The following REC114 variants were observed in gnomAD, a reference collection of about 807,000 sequenced individuals.
The protein encoded by REC114 is meiotic recombination protein REC114.
Under a neutral mutation model 31.3 loss-of-function variants are expected in REC114, and 27 were observed. The observed-to-expected ratio is 0.86, with a 90% confidence interval of 0.64 to 1.19. The LOEUF (loss-of-function observed/expected upper bound fraction) is 1.19. Ranked by LOEUF, REC114 falls within the 50% of genes most tolerant of loss-of-function variation. The pLI is 0.00. For missense variants in REC114, 344 were observed against 326.9 expected (o/e 1.05, Z -0.40); for synonymous variants, 134 against 127.7 (o/e 1.05, Z -0.33).
Position 73,550,998 on chromosome 15 carries a change from C to A in REC114, c.394C>A (p.His132Asn), listed in dbSNP as rs767371664. The A allele has an allele frequency of 9.3e-6, 15 of 1,613,768 alleles. 1 individual carries two copies. Among genetic ancestry groups the A allele is most frequent in the Non-Finnish European group, 1.3e-5 (15 of 1,179,862 alleles). Residue 132 changes from histidine (H) to asparagine (N), a missense_variant, in exon 4 of 6, where the codon CAC becomes AAC. By Grantham distance (68) the His-to-Asn change is moderately conservative. Transcript: ENST00000331090. ...AGAGTCAAAGGAGCAGGCGCTGGAA[C>A]ACTGCTGCAGTTGTGTTCAGAAGCT... is the stretch of plus-strand genomic sequence containing the variant. ...SGESKEQALE[H>N]CCSCVQKLAQ...
In REC114 at chr15:73,514,101, C is replaced by T. The variant is rs543365382; in HGVS notation, c.250-26384C>T. Among the ~76,000 whole-genome samples the T allele has an allele frequency of 1.3e-4, 20 of 152,198 alleles. 1 individual carries two copies. In the East Asian group the frequency reaches 3.3e-3, roughly 25 times the overall value. On this transcript the variant is annotated intron_variant, in intron 2 of 5. Coordinates refer to ENST00000331090, the MANE Select transcript of REC114 (RefSeq NM_001042367.2). ...GCTGTGCTAGCAATCAGCGAGACTC[C>T]GTGGGGTAGGACCCTCCGAGCCAGG...
At chr15:73,514,309 C>A (rs957332586) in intron 2 of REC114, among the ~76,000 whole-genome samples, 1 of 151,622 alleles carries the variant, frequency 6.6e-6, no homozygotes, top group Non-Finnish European at 1.5e-5. Flanking sequence ...GGCTCGCGCA[C>A]GGTGCGCGCA....
rs60331328 is a variant in REC114, at chr15:73,489,200, C to CTT, written c.249+15299_249+15300dup. Among the ~76,000 whole-genome samples the CTT allele has an allele frequency of 3.7e-3, 461 of 126,234 alleles. 4 individuals are homozygous for CTT. The highest frequency in any genetic ancestry group is 9.9e-3 in the African/African-American group (318 of 32,064). The allele number at this position is 126,234 out of a possible 152,430, so 82.8% of individuals were successfully genotyped here. A position where few individuals can be genotyped will look rare whatever the true frequency, so the allele number is the denominator to read the frequency against. ...CATTTTCTGAATGCCCCTCCCCCAC[C>CTT]TTTTTTTTTTTTTTTTTTTTTGAGA... is the stretch of plus-strand genomic sequence containing the variant. On this transcript the variant is annotated intron_variant, in intron 2 of 5. Transcript: ENST00000331090.
intron 2 of REC114, among the ~76,000 whole-genome samples, chr15:73,487,036 C>G (rs1376978415): frequency 6.6e-6 from 1 of 151,910 alleles, no homozygotes; most frequent in East Asian, 1.9e-4. Context: ...AAAAAAAATA[C>G]TCTATTCCCT....
chr15:73,513,381 TTGGTTTGAATGTCCTCC>T (rs2141315856), intron 2 of REC114, among the ~76,000 whole-genome samples: 1 of 149,610 alleles, frequency 6.7e-6, no homozygotes, highest in East Asian at 2.0e-4. Context: ...TTCTTTGCCT[TTGGTTTGAATGTCCTCC>T]CGTAGCTCAG....
intron 1 of REC114, among the ~76,000 whole-genome samples, chr15:73,444,729 T>C (rs1892743531): frequency 6.6e-6 from 1 of 152,254 alleles, no homozygotes; most frequent in Non-Finnish European, 1.5e-5. Flanking sequence ...GTATCTAGAA[T>C]GGTGAATCCT....
chr15:73,487,776 G>T (rs1893390927), intron 2 of REC114, among the ~76,000 whole-genome samples: 1 of 152,240 alleles, frequency 6.6e-6, no homozygotes, highest in African/African-American at 2.4e-5. Context: ...ACTAGACATT[G>T]CCCTAATAGG....
chr15:73,513,727 G>A (rs1310094823), intron 2 of REC114, among the ~76,000 whole-genome samples: 1 of 151,962 alleles, frequency 6.6e-6, no homozygotes, highest in Non-Finnish European at 1.5e-5. Flanking sequence ...GTGTGCCCCT[G>A]CTGGGGGGTG....
intron 3 of REC114, among the ~76,000 whole-genome samples, chr15:73,548,201 C>T (rs1232864870): frequency 2.6e-5 from 4 of 152,152 alleles, no homozygotes; most frequent in South Asian, 4.1e-4. Flanking sequence ...CTCCACCTCC[C>T]GGGTTCAAGT....
chr15:73,490,655 A>G (rs917167013), intron 2 of REC114, among the ~76,000 whole-genome samples: 3 of 152,198 alleles, frequency 2.0e-5, no homozygotes, highest in South Asian at 4.1e-4. Context: ...TGGTCGCACC[A>G]CTGTATTCCA....
chr15:73,466,907 T>G (rs115971281), intron 1 of REC114, among the ~76,000 whole-genome samples: 1,741 of 152,318 alleles, frequency 0.011, 30 homozygotes, highest in African/African-American at 0.04. Context: ...TTATTTTGAA[T>G]CTATCATTTA....
At chr15:73,447,397 A>G (rs985105901) in intron 1 of REC114, among the ~76,000 whole-genome samples, 1 of 152,132 alleles carries the variant, frequency 6.6e-6, no homozygotes, top group Non-Finnish European at 1.5e-5. Flanking sequence ...TAGAGGGGAC[A>G]GAGCCCCAAA....
At chr15:73,529,582 G>A (rs1482743811) in intron 2 of REC114, among the ~76,000 whole-genome samples, 1 of 152,168 alleles carries the variant, frequency 6.6e-6, no homozygotes, top group Non-Finnish European at 1.5e-5. Flanking sequence ...ACTGGAAGAT[G>A]GGTGCGTAGT....
intron 5 of REC114, among the ~76,000 whole-genome samples, chr15:73,558,983 G>A (rs1894523660): frequency 6.6e-6 from 1 of 152,164 alleles, no homozygotes; most frequent in African/African-American, 2.4e-5. Flanking sequence ...ATGAATTACT[G>A]CTATACTCAA....
At chr15:73,524,684 G>A (rs568657476) in intron 2 of REC114, among the ~76,000 whole-genome samples, 10 of 152,034 alleles carry the variant, frequency 6.6e-5, no homozygotes, top group Admixed American at 6.6e-4. Context: ...TGCAACTTTC[G>A]CCTCCTGGTT....
rs373897163 is a variant in REC114, at chr15:73,473,916, C to T, written c.244C>T (p.Leu82=). The part of the protein sequence containing the change: ...GHFFIFQGQT[L]LEGFSLIGSK... ...TTTCTTCATTTTCCAAGGACAGACA[C>T]TACTGGTAGGTTTTATGCATAACAG... Residue 82 remains leucine, a synonymous_variant, in exon 2 of 6, where the codon CTA becomes TTA. Coordinates refer to ENST00000331090, the MANE Select transcript of REC114 (RefSeq NM_001042367.2). 6 of 1,564,802 alleles carry T rather than the reference C, an allele frequency of 3.8e-6. No individual in the cohort carries two copies. The highest frequency in any genetic ancestry group is 1.8e-5 in the Admixed American group (1 of 56,160).
At chr15:73,483,621 A>C (rs1315728899) in intron 2 of REC114, 1 of 152,392 alleles carries the variant, frequency 6.6e-6, no homozygotes, top group Non-Finnish European at 1.5e-5. Flanking sequence ...GACTTTGTTC[A>C]TCAGATGTTC....
intron 1 of REC114, among the ~76,000 whole-genome samples, chr15:73,471,121 T>C (rs1257608216): frequency 2.0e-5 from 3 of 152,202 alleles, no homozygotes; most frequent in Non-Finnish European, 2.9e-5. Context: ...TCACTCTGGC[T>C]ACTGTATTGA....
At chr15:73,471,212 G>A (rs936177132) in intron 1 of REC114, among the ~76,000 whole-genome samples, 4 of 152,200 alleles carry the variant, frequency 2.6e-5, no homozygotes, top group Admixed American at 6.5e-5. Flanking sequence ...AATCCAACTA[G>A]AGAGAATGAT....
Sources: allele counts gnomAD v4.1 joint callset (sites outside exome capture counted in the v4.1 genomes callset), GRCh38; gene constraint gnomAD v4.1.1; transcripts MANE v1.5; gene names NCBI Gene and HGNC (gene_info 2026-07-23, HGNC 2026-07-21).